The following ARHGAP39 variants were observed in gnomAD, a reference collection of about 807,000 sequenced individuals.
The protein encoded by ARHGAP39 is Rho GTPase activating protein 39.
Under a neutral mutation model 106.9 loss-of-function variants are expected in ARHGAP39, and 44 were observed. The observed-to-expected ratio is 0.41, with a 90% CI of 0.32 to 0.53. The LOEUF (loss-of-function observed/expected upper bound fraction) is 0.53. ARHGAP39 is among the 20% of genes least tolerant of loss of function. The pLI, the probability that ARHGAP39 is intolerant of heterozygous loss-of-function variation, is 0.21. For missense variants in ARHGAP39, 1,496 were observed against 1,577.3 expected (o/e 0.95, Z 0.87); for synonymous variants, 768 against 693.2 (o/e 1.11, Z -1.69).
chr8:144,559,194 C>T (rs1440887291), intron 3 of ARHGAP39, among the ~76,000 whole-genome samples: 1 of 151,444 alleles, frequency 6.6e-6, no homozygotes, highest in Admixed American at 6.6e-5. Context: ...GGCGACAGAG[C>T]GAGACTCTGT....
the ARHGAP39 span, among the ~76,000 whole-genome samples, chr8:144,691,599 G>T: frequency 6.6e-6 from 1 of 152,070 alleles, no homozygotes; most frequent in Non-Finnish European, 1.5e-5. Flanking sequence ...AGTACTAGGG[G>T]GTCACAGTCT....
At chr8:144,613,554 T>C (rs867352664) in intron 1 of ARHGAP39, among the ~76,000 whole-genome samples, 2 of 152,196 alleles carry the variant, frequency 1.3e-5, no homozygotes, top group South Asian at 2.1e-4. Flanking sequence ...ACTTGCATTG[T>C]TTCTCATGAG....
At chr8:144,622,485 C>CA (rs765386641) in intron 1 of ARHGAP39, among the ~76,000 whole-genome samples, 4 of 151,968 alleles carry the variant, frequency 2.6e-5, no homozygotes, top group Admixed American at 6.6e-5. Flanking sequence ...ACCCGAGGGC[C>CA]AGAGCGGCTG....
At chr8:144,669,506 C>CAAAAAAAAAAAAAAAAAAAAAAAAAA (rs55678140) in intron 1 of ARHGAP39, among the ~76,000 whole-genome samples, 1 of 59,746 alleles carries the variant, frequency 1.7e-5, no homozygotes, top group South Asian at 6.9e-4. Context: ...GACTCGGTCT[C>CAAAAAAAAAAAAAAAAAAAAAAAAAA]AAAAAAAAAA....
rs79699918 is a variant in ARHGAP39 at position 144,624,617 on chromosome 8, G to A, written c.-81-18922C>T. On this transcript the variant is annotated intron_variant, in intron 1 of 11. Transcript: ENST00000377307. The stretch of plus-strand genomic sequence containing the variant: ...GCGGCAGCCCCTGTCCCGGCGGCCC[G>A]GTTCACGGAGCACTCACTGCACACT... Among the ~76,000 whole-genome samples, 53 of 53,776 alleles carry A rather than the reference G, an allele frequency of 9.9e-4. No homozygotes were observed. The East Asian group carries it at 0.023, about 23-fold the overall frequency. The allele number at this position is 53,776 out of a possible 152,430, so 35.3% of individuals were successfully genotyped here. A position where few individuals can be genotyped will look rare whatever the true frequency, so the allele number is the denominator to read the frequency against.
intron 1 of ARHGAP39, among the ~76,000 whole-genome samples, chr8:144,678,581 G>A (rs571584758): frequency 7.2e-5 from 11 of 152,322 alleles, no homozygotes; most frequent in South Asian, 6.2e-4. Flanking sequence ...GTCACGCAGC[G>A]CTGTGGAGCA....
Position 144,530,373 on chromosome 8 carries a change from G to A in ARHGAP39, c.*49C>T, listed in dbSNP as rs752723117. On this transcript the variant is annotated 3_prime_UTR_variant, in exon 12 of 12. Transcript: ENST00000377307. ...TGCCGGGAGAGCGAGTGCGGAGTTC[G>A]GCCTGGCTGGGGGCGGCAGGACATC... is the stretch of plus-strand genomic sequence containing the variant. 5 of 1,533,630 alleles carry A rather than the reference G, an allele frequency of 3.3e-6. No individual in the cohort carries two copies. Among genetic ancestry groups the A allele is most frequent in the Admixed American group, 3.8e-5 (2 of 52,288 alleles).
Position 144,604,940 on chromosome 8 carries a change from T to C in ARHGAP39, c.80+595A>G, listed in dbSNP as rs1160255750. 1.3e-5 allele frequency among the ~76,000 whole-genome samples: 2 copies of C among 152,324 alleles called. No individual in the cohort carries two copies. Among genetic ancestry groups the C allele is most frequent in the African/African-American group, 2.4e-5 (1 of 41,592 alleles). ...GCTGTTCTTATTCTTGTAACTTTTC[T>C]GGAAGCATGAAATTATTTCCAAATA... On this transcript the variant is annotated intron_variant, in intron 2 of 11. Transcript: ENST00000377307. The surrounding 1 kb of genome is among the most constrained non-coding windows in gnomAD (Gnocchi z 4.1).
intron 1 of ARHGAP39, among the ~76,000 whole-genome samples, chr8:144,617,759 T>G (rs1820676797): frequency 1.3e-5 from 2 of 152,208 alleles, no homozygotes; most frequent in African/African-American, 4.8e-5. Flanking sequence ...GTCTTCTGCA[T>G]TGATTTTAAA....
chr8:144,549,491 G>A (rs1276321111), intron 4 of ARHGAP39, among the ~76,000 whole-genome samples: 2 of 152,288 alleles, frequency 1.3e-5, no homozygotes, highest in South Asian at 4.1e-4. Flanking sequence ...TGTACACCAC[G>A]TGGTTTTGTT....
intron 2 of ARHGAP39, among the ~76,000 whole-genome samples, chr8:144,603,280 T>G (rs1206026487): frequency 6.7e-6 from 1 of 149,318 alleles, no homozygotes; most frequent in Non-Finnish European, 1.5e-5. Flanking sequence ...TGCGTGGAGG[T>G]GTGTGTGCGT....
the ARHGAP39 span, among the ~76,000 whole-genome samples, chr8:144,692,635 C>G: frequency 1.3e-5 from 2 of 151,996 alleles, no homozygotes; most frequent in African/African-American, 4.8e-5. Context: ...GTTGGGCCTG[C>G]AATCCGCCGC....
chr8:144,533,230 G>A lies in ARHGAP39; in HGVS notation c.2784C>T (p.Gly928=). The A allele has an allele frequency of 6.2e-7, 1 of 1,613,096 alleles. No homozygotes were observed. The highest frequency in any genetic ancestry group is 8.5e-7 in the Non-Finnish European group (1 of 1,179,990). The part of the protein sequence containing the change: ...MFGSALQEVM[G]MQRERYPERQ... ...GCTCGGGGTAGCGCTCTCTCTGCAT[G>A]CCCATGACCTCCTGCAGTGCGCTGC... is the stretch of plus-strand genomic sequence containing the variant. Residue 928 remains glycine (G), a synonymous_variant, in exon 9 of 12, where the codon GGC becomes GGT. Transcript: ENST00000377307.
chr8:144,676,232 C>A (rs1046708065), intron 1 of ARHGAP39, among the ~76,000 whole-genome samples: 2 of 152,222 alleles, frequency 1.3e-5, no homozygotes, highest in Non-Finnish European at 2.9e-5. Context: ...CCATTTTACA[C>A]AGAGCTGATT....
In ARHGAP39 at chr8:144,644,641, G is replaced by A. The variant is rs539960845; in HGVS notation, c.-81-38946C>T. 6.2e-4 allele frequency among the ~76,000 whole-genome samples: 94 copies of A among 152,302 alleles called. 3 individuals are homozygous for A. In the South Asian group the frequency reaches 0.011, roughly 17 times the overall value. On this transcript the variant is annotated intron_variant, in intron 1 of 11. Transcript: ENST00000377307. This position sits in a 1 kb window ranked among gnomAD's most constrained non-coding sequence, Gnocchi z 4.8. The stretch of plus-strand genomic sequence containing the variant: ...TTCTGAGCTCTGAGTCACTTGAAGC[G>A]GCATCCGAGGCCTTCTCTCACTACA...
chr8:144,643,479 A>T (rs1821362759), intron 1 of ARHGAP39, among the ~76,000 whole-genome samples: 1 of 152,132 alleles, frequency 6.6e-6, no homozygotes, highest in South Asian at 2.1e-4. Context: ...GAAAAAAATA[A>T]TCACACAGAG....
chr8:144,666,993 C>T (rs1188681502), intron 1 of ARHGAP39, among the ~76,000 whole-genome samples: 1 of 152,210 alleles, frequency 6.6e-6, no homozygotes, highest in African/African-American at 2.4e-5. Context: ...ATGGTAGAAC[C>T]TTTGCACGCA....
intron 3 of ARHGAP39, among the ~76,000 whole-genome samples, chr8:144,569,699 C>T (rs1388439229): frequency 6.6e-6 from 1 of 152,194 alleles, no homozygotes; most frequent in East Asian, 1.9e-4. Flanking sequence ...AGTGCACTAC[C>T]TTAATTGTGG....
rs965712234 is a variant in ARHGAP39, at chr8:144,670,254, C to T, written c.-82+15432G>A. Among the ~76,000 whole-genome samples the T allele has an allele frequency of 5.1e-4, 77 of 152,148 alleles. No homozygotes were observed. Among genetic ancestry groups the T allele is most frequent in the African/African-American group, 1.8e-3 (74 of 41,494 alleles). ...AGCTGGATGAGGGCCTGGGACCAGGCGGCTGTAAAAAGCAACAGAGCTCGG... is the reference window on the plus strand; with the variant it reads ...AGCTGGATGAGGGCCTGGGACCAGGTGGCTGTAAAAAGCAACAGAGCTCGG... On this transcript the variant is annotated intron_variant, in intron 1 of 11. Coordinates refer to ENST00000377307, the MANE Select transcript of ARHGAP39 (RefSeq NM_025251.3). This position sits in a 1 kb window ranked among gnomAD's most constrained non-coding sequence, Gnocchi z 4.4.
Sources: gnomAD v4.1 joint callset for allele counts (sites outside exome capture counted in the v4.1 genomes callset) on GRCh38, gnomAD v4.1.1 for gene constraint, Gnocchi (gnomAD v3.1) non-coding constraint, MANE v1.5 for transcripts, NCBI Gene and HGNC (gene_info 2026-07-23, HGNC 2026-07-21) for gene names.